The following LOC400499 variants were observed in gnomAD, a reference collection of about 807,000 sequenced individuals.
the LOC400499 span, among the ~76,000 whole-genome samples, chr16:11,408,451 ATTTTTTTTTTTT>A: frequency 7.6e-6 from 1 of 131,212 alleles, no homozygotes. Context: ...TCAGTGCAGG[ATTTTTTTTTTTT>A]TTTTTTTTTA....
the LOC400499 span, among the ~76,000 whole-genome samples, chr16:11,433,779 G>C: frequency 1.3e-5 from 2 of 152,238 alleles, no homozygotes; most frequent in South Asian, 2.1e-4. Context: ...GGGGTTCACA[G>C]AGAGCTTCTG....
chr16:11,503,460 C>T, the LOC400499 span, among the ~76,000 whole-genome samples: 59 of 152,274 alleles, frequency 3.9e-4, 1 homozygote, highest in East Asian at 0.011. Flanking sequence ...AGGTAGGAGC[C>T]GAGCCAAGCC....
At chr16:11,381,321 C>G in the LOC400499 span, among the ~76,000 whole-genome samples, 1 of 152,186 alleles carries the variant, frequency 6.6e-6, no homozygotes. Context: ...TCACTGCAGC[C>G]TTGACCTCCT....
chr16:11,426,412 C>T, the LOC400499 span, among the ~76,000 whole-genome samples: 1 of 152,244 alleles, frequency 6.6e-6, no homozygotes, highest in East Asian at 1.9e-4. Flanking sequence ...CACTGCACTC[C>T]AGTCTGGGAG....
chr16:11,454,448 C>G, the LOC400499 span, among the ~76,000 whole-genome samples: 1 of 152,182 alleles, frequency 6.6e-6, no homozygotes, highest in Non-Finnish European at 1.5e-5. Context: ...CCCAATAGAA[C>G]TGATGTCTCT....
chr16:11,439,544 G>A, the LOC400499 span: 1 of 399,188 alleles, frequency 2.5e-6, no homozygotes. Context: ...GAAGAAAAAT[G>A]CAAAGTCGGA....
the LOC400499 span, among the ~76,000 whole-genome samples, chr16:11,427,794 G>A: frequency 7.2e-5 from 11 of 152,278 alleles, no homozygotes; most frequent in South Asian, 1.9e-3. Flanking sequence ...GAGGAACGAA[G>A]AAAGGGAAGG....
the LOC400499 span, among the ~76,000 whole-genome samples, chr16:11,373,929 C>T: frequency 3.4e-4 from 52 of 152,152 alleles, no homozygotes; most frequent in East Asian, 7.5e-3. Flanking sequence ...CGGGAAGCAC[C>T]CTTCTAGCCC....
the LOC400499 span, among the ~76,000 whole-genome samples, chr16:11,463,799 T>G: frequency 6.6e-6 from 1 of 151,954 alleles, no homozygotes; most frequent in African/African-American, 2.4e-5. Context: ...ATATGGATGT[T>G]TGTGTGTATG....
chr16:11,502,675 C>T, the LOC400499 span, among the ~76,000 whole-genome samples: 4 of 149,618 alleles, frequency 2.7e-5, no homozygotes, highest in East Asian at 2.0e-4. Context: ...AGGGCAGTGG[C>T]GCAATCTCGG....
the LOC400499 span, among the ~76,000 whole-genome samples, chr16:11,374,903 C>T: frequency 3.9e-5 from 6 of 152,280 alleles, no homozygotes; most frequent in Admixed American, 6.5e-5. Context: ...GGCTGGAATG[C>T]GGTGGTGCGA....
the LOC400499 span, among the ~76,000 whole-genome samples, chr16:11,506,731 T>G: frequency 1.1e-4 from 17 of 152,354 alleles, no homozygotes; most frequent in Admixed American, 1.1e-3. Flanking sequence ...TGCTTTCTAT[T>G]GAGCGCTGAG....
chr16:11,509,580 C>A, the LOC400499 span, among the ~76,000 whole-genome samples: 3 of 151,854 alleles, frequency 2.0e-5, no homozygotes, highest in Non-Finnish European at 2.9e-5. Context: ...CCTGTAATCC[C>A]AGCACTTTGG....
the LOC400499 span, chr16:11,390,371 G>A: frequency 9.9e-4 from 1,229 of 1,235,844 alleles, 1 homozygote; most frequent in Non-Finnish European, 1.2e-3. Flanking sequence ...GCCTGCAGCC[G>A]CCGCATGGCC....
At chr16:11,430,768 T>C in the LOC400499 span, among the ~76,000 whole-genome samples, 52 of 152,182 alleles carry the variant, frequency 3.4e-4, no homozygotes, top group African/African-American at 1.1e-3. Flanking sequence ...CTCCTGGAGA[T>C]ATACAATGTC....
At chr16:11,525,526 C>G in the LOC400499 span, among the ~76,000 whole-genome samples, 1 of 152,172 alleles carries the variant, frequency 6.6e-6, no homozygotes, top group African/African-American at 2.4e-5. Flanking sequence ...CAATCAATTT[C>G]CCTTCCAACT....
the LOC400499 span, among the ~76,000 whole-genome samples, chr16:11,515,678 T>C: frequency 8.3e-6 from 1 of 120,492 alleles, no homozygotes; most frequent in Non-Finnish European, 1.7e-5. Context: ...AGAGAAGGAA[T>C]TGGAGGAGAG....
chr16:11,481,827 G>T, the LOC400499 span, among the ~76,000 whole-genome samples: 1 of 151,834 alleles, frequency 6.6e-6, no homozygotes, highest in Non-Finnish European at 1.5e-5. Flanking sequence ...TAGAGACAGG[G>T]TATCACTATG....
the LOC400499 span, among the ~76,000 whole-genome samples, chr16:11,455,131 G>GA: frequency 6.6e-6 from 1 of 151,998 alleles, no homozygotes; most frequent in Admixed American, 6.6e-5. Context: ...CAAAACTCCA[G>GA]AAAAAAACAA....
Sources: allele counts gnomAD v4.1 joint callset (sites outside exome capture counted in the v4.1 genomes callset), GRCh38; gene constraint gnomAD v4.1.1; transcripts MANE v1.5.